PITPNC1: variants seen among roughly 807,000 people sequenced by gnomAD.
The protein encoded by PITPNC1 is phosphatidylinositol transfer protein cytoplasmic 1, also known as cytoplasmic phosphatidylinositol transfer protein 1.
PITPNC1 carries 18 observed loss-of-function variants against 44.7 expected under a neutral mutation model. The ratio of observed to expected loss-of-function variants is 0.40; its 90% CI spans 0.28 to 0.60. The LOEUF is 0.60. Ranked by LOEUF, PITPNC1 falls within the 20% of genes least tolerant of loss-of-function variation. The probability of loss-of-function intolerance (pLI) is 0.39; values close to 1 mark genes in which losing one functional copy is unlikely to be tolerated. For synonymous variants in PITPNC1, 141 were observed against 149.6 expected, an observed-to-expected ratio of 0.94 and a Z score of 0.42; for missense variants, 290 against 418.4, an observed-to-expected ratio of 0.69 and a Z score of 2.68.
At chr17:67,539,983 T>C (rs565308200) in intron 2 of PITPNC1, among the ~76,000 whole-genome samples, 5 of 152,190 alleles carry the variant, frequency 3.3e-5, no homozygotes, top group Admixed American at 6.5e-5. Context: ...CACCAAAACA[T>C]GGAGAAACCA....
chr17:67,425,193 G>GCA lies in PITPNC1; in HGVS notation c.48+46993_48+46994dup, dbSNP rs201370650. Among the ~76,000 whole-genome samples the GCA allele has an allele frequency of 1.4e-3, 72 of 52,110 alleles. 1 individual carries two copies. The highest frequency in any genetic ancestry group is 7.4e-3 in the Admixed American group (37 of 4,978). 34.2% of individuals were successfully genotyped at this position (52,110 alleles called of 152,430 possible). Reference sequence around the variant, plus strand: ...AAATAAACAGCCATGTTGTGCGCGCGCACGCACACGCACACACACACACAC... The same window carrying GCA: ...AAATAAACAGCCATGTTGTGCGCGCGCACACGCACACGCACACACACACACAC... On this transcript the variant is annotated intron_variant, in intron 1 of 8. Transcript: ENST00000581322.
At chr17:67,383,865 C>T (rs548095521) in intron 1 of PITPNC1, among the ~76,000 whole-genome samples, 45 of 152,000 alleles carry the variant, frequency 3.0e-4, no homozygotes, top group Non-Finnish European at 1.5e-5. Flanking sequence ...ATGAGAAACC[C>T]CGTCTCTACT....
At chr17:67,643,910 T>C (rs1243316854) in intron 6 of PITPNC1, among the ~76,000 whole-genome samples, 1 of 152,166 alleles carries the variant, frequency 6.6e-6, no homozygotes, top group Non-Finnish European at 1.5e-5. Context: ...GTGGCCACCG[T>C]GAGTGGCGTC....
chr17:67,476,597 A>C (rs915648346), intron 1 of PITPNC1, among the ~76,000 whole-genome samples: 19 of 152,148 alleles, frequency 1.2e-4, no homozygotes, highest in African/African-American at 4.3e-4. Flanking sequence ...GGGAAACAAA[A>C]AAAAATCTTA....
In PITPNC1 at chr17:67,551,537, C is replaced by G. The variant is rs181581537; in HGVS notation, c.198-720C>G. Among the ~76,000 whole-genome samples the G allele has an allele frequency of 7.9e-4, 120 of 152,292 alleles. 2 individuals carry two copies. The East Asian group carries it at 0.019, about 24-fold the overall frequency. On this transcript the variant is annotated intron_variant, in intron 2 of 8. Transcript: ENST00000581322. The stretch of plus-strand genomic sequence containing the variant: ...CTCTGTCCTTGCATGGCTGTCCCCT[C>G]GGTGTGTCTCTGAGTCTCAAATCTC...
chr17:67,390,963 TAA>T (rs1009012799), intron 1 of PITPNC1, among the ~76,000 whole-genome samples: 30 of 152,178 alleles, frequency 2.0e-4, no homozygotes, highest in African/African-American at 6.0e-4. Flanking sequence ...GGGACTCTCT[TAA>T]AACTCCTCAT....
At chr17:67,509,694 C>A (rs1349196762) in intron 1 of PITPNC1, among the ~76,000 whole-genome samples, 1 of 152,068 alleles carries the variant, frequency 6.6e-6, no homozygotes, top group Non-Finnish European at 1.5e-5. Context: ...TAAAGTGTGA[C>A]ATATATCACA....
intron 5 of PITPNC1, among the ~76,000 whole-genome samples, chr17:67,601,335 C>A (rs1299010905): frequency 6.6e-6 from 1 of 152,060 alleles, no homozygotes; most frequent in African/African-American, 2.4e-5. Flanking sequence ...TTCTAAAACC[C>A]AGGGCAAGGC....
chr17:67,622,080 AC>A (rs1037097081), intron 5 of PITPNC1, among the ~76,000 whole-genome samples: 22 of 151,996 alleles, frequency 1.4e-4, no homozygotes, highest in African/African-American at 5.1e-4. Flanking sequence ...CCACGGTGAA[AC>A]CCCGTCTCTA....
intron 6 of PITPNC1, among the ~76,000 whole-genome samples, chr17:67,654,845 G>T (rs1282693764): frequency 6.6e-6 from 1 of 152,086 alleles, no homozygotes; most frequent in Non-Finnish European, 1.5e-5. Flanking sequence ...ATATTGGCCA[G>T]GCTGGTCTCA....
rs2042609285 is a variant in PITPNC1 at position 67,676,733 on chromosome 17, A to T, written c.682+1191A>T. ...AAAGTAAAAGGACACGTTAGACGGA[A>T]GGGGCAAAGACAGTCATTATTATTA... On this transcript the variant is annotated intron_variant, in intron 8 of 8. Transcript: ENST00000581322. The surrounding 1 kb of genome is among the most constrained non-coding windows in gnomAD (Gnocchi z 4.0). 6.6e-6 allele frequency among the ~76,000 whole-genome samples: 1 copy of T among 152,172 alleles called. No individual in the cohort carries two copies. The highest frequency in any genetic ancestry group is 2.4e-5 in the African/African-American group (1 of 41,446).
intron 4 of PITPNC1, among the ~76,000 whole-genome samples, chr17:67,572,496 G>A (rs2041075271): frequency 7.2e-6 from 1 of 138,952 alleles, no homozygotes; most frequent in African/African-American, 2.6e-5. Flanking sequence ...AAGAAGGGGG[G>A]TGACTTTGAT....
intron 1 of PITPNC1, among the ~76,000 whole-genome samples, chr17:67,509,604 C>T (rs986852672): frequency 1.4e-5 from 2 of 141,240 alleles, no homozygotes; most frequent in African/African-American, 5.2e-5. Flanking sequence ...ATAAATAAAA[C>T]GTGTTCAACC....
chr17:67,536,730 C>T (rs1157580230), intron 2 of PITPNC1, among the ~76,000 whole-genome samples: 2 of 152,178 alleles, frequency 1.3e-5, no homozygotes, highest in African/African-American at 2.4e-5. Context: ...GTCAGATACT[C>T]ACTTTTCTAG....
intron 1 of PITPNC1, among the ~76,000 whole-genome samples, chr17:67,449,107 A>T (rs1023194237): frequency 2.0e-5 from 3 of 152,156 alleles, no homozygotes; most frequent in Non-Finnish European, 2.9e-5. Context: ...TCTGCTCCTT[A>T]TTCAGTGCTA....
chr17:67,409,528 TTTC>T (rs1454278746), intron 1 of PITPNC1, among the ~76,000 whole-genome samples: 1 of 152,096 alleles, frequency 6.6e-6, no homozygotes, highest in African/African-American at 2.4e-5. Flanking sequence ...CTACAAATCA[TTTC>T]TTTTTTTTTT....
chr17:67,499,211 T>G lies in PITPNC1; in HGVS notation c.49-33591T>G, dbSNP rs547994813. 5.9e-5 allele frequency among the ~76,000 whole-genome samples: 9 copies of G among 151,784 alleles called. No homozygotes were observed. In the East Asian group the frequency reaches 1.6e-3, roughly 26 times the overall value. ...TGAAGAAATATCTATTCAAGTCCTT[T>G]GCCCGTTTTTATTTATTTTGAGAAG... On this transcript the variant is annotated intron_variant, in intron 1 of 8. Transcript: ENST00000581322.
In PITPNC1 at chr17:67,693,114, C is replaced by T. The variant is rs2042959225; in HGVS notation, c.*226C>T. 2.0e-6 allele frequency: 1 copy of T among 498,368 alleles called. No individual in the cohort carries two copies. The highest frequency in any genetic ancestry group is 3.8e-5 in the Admixed American group (1 of 26,566). 30.9% of individuals were successfully genotyped at this position (498,368 alleles called of 1,614,324 possible). ...AAGACTTGCAAAGGACAGAAGGAAT[C>T]TTCTGTAACCACATAGCTGTATGCC... On this transcript the variant is annotated 3_prime_UTR_variant, in exon 9 of 9. Coordinates refer to ENST00000581322, the MANE Select transcript of PITPNC1 (RefSeq NM_012417.4).
At chr17:67,571,357 A>G (rs2041054569) in intron 4 of PITPNC1, among the ~76,000 whole-genome samples, 1 of 152,224 alleles carries the variant, frequency 6.6e-6, no homozygotes, top group Non-Finnish European at 1.5e-5. Flanking sequence ...GCTTAAGCCC[A>G]GGAGGTCAAG....
Sources: gnomAD v4.1 joint callset for allele counts (sites outside exome capture counted in the v4.1 genomes callset) on GRCh38, gnomAD v4.1.1 for gene constraint, Gnocchi (gnomAD v3.1) non-coding constraint, MANE v1.5 for transcripts, NCBI Gene and HGNC (gene_info 2026-07-23, HGNC 2026-07-21) for gene names.